The following ITGBL1 variants were observed in gnomAD, a reference collection of about 807,000 sequenced individuals.
ITGBL1 encodes the protein integrin subunit beta like 1.
ITGBL1 carries 51 observed loss-of-function variants against 68.5 expected under a neutral mutation model. That is an observed-to-expected ratio of 0.74 (90% confidence interval 0.59 to 0.94). The LOEUF (loss-of-function observed/expected upper bound fraction) is 0.94. ITGBL1 is among the 40% of genes least tolerant of loss of function. The pLI, the probability that ITGBL1 is intolerant of heterozygous loss-of-function variation, is 0.00. For missense variants in ITGBL1, 649 were observed against 647.4 expected (o/e 1.00, Z -0.03); for synonymous variants, 209 against 227.3 (o/e 0.92, Z 0.72).
intron 10 of ITGBL1, chr13:101,715,129 C>T (rs1270838131): frequency 1.2e-5 from 2 of 166,646 alleles, no homozygotes; most frequent in African/African-American, 4.8e-5. Context: ...TAAAAGATGA[C>T]TCTTTGTGTG....
At chr13:101,687,809 G>A (rs1245798663) in intron 7 of ITGBL1, among the ~76,000 whole-genome samples, 2 of 152,002 alleles carry the variant, frequency 1.3e-5, no homozygotes, top group Non-Finnish European at 2.9e-5. Flanking sequence ...TTCTCACACA[G>A]TTATTTCTAT....
chr13:101,541,806 T>C (rs773122625), intron 2 of ITGBL1, among the ~76,000 whole-genome samples: 1 of 152,198 alleles, frequency 6.6e-6, no homozygotes, highest in Non-Finnish European at 1.5e-5. Flanking sequence ...GTCGAGGAAT[T>C]TATCCATTTC....
intron 2 of ITGBL1, among the ~76,000 whole-genome samples, chr13:101,561,437 T>A (rs989026978): frequency 3.9e-5 from 6 of 152,136 alleles, no homozygotes; most frequent in African/African-American, 1.4e-4. Flanking sequence ...AGGGCACTTG[T>A]AAGTATCCAT....
chr13:101,705,262 G>A (rs1463369404), intron 8 of ITGBL1, among the ~76,000 whole-genome samples: 1 of 132,328 alleles, frequency 7.6e-6, no homozygotes, highest in African/African-American at 2.9e-5. Flanking sequence ...GTATAACCCA[G>A]GGAAAATCTC....
intron 4 of ITGBL1, among the ~76,000 whole-genome samples, chr13:101,577,225 TG>T (rs2050377778): frequency 6.6e-6 from 1 of 152,206 alleles, no homozygotes; most frequent in Non-Finnish European, 1.5e-5. Flanking sequence ...AATCTTTCCA[TG>T]TGTCATTCAC....
chr13:101,659,131 C>T (rs2033014988), intron 7 of ITGBL1, among the ~76,000 whole-genome samples: 1 of 146,862 alleles, frequency 6.8e-6, no homozygotes, highest in East Asian at 2.0e-4. Flanking sequence ...AGCTCCTCAG[C>T]TCACTGCAAC....
At chr13:101,650,683 T>C (rs1370519206) in intron 7 of ITGBL1, among the ~76,000 whole-genome samples, 1 of 151,920 alleles carries the variant, frequency 6.6e-6, no homozygotes, top group Non-Finnish European at 1.5e-5. Context: ...TGCAGGTTTG[T>C]TACATAGGTA....
rs762050952 is a variant in ITGBL1, at chr13:101,567,810, G to A, written c.428G>A (p.Cys143Tyr). 4 of 1,613,074 alleles carry A rather than the reference G, an allele frequency of 2.5e-6. No individual in the cohort carries two copies. The highest frequency in any genetic ancestry group is 3.4e-6 in the Non-Finnish European group (4 of 1,179,450). ...DLTKKKSNQMCKNSQDIICSN... is the reference protein window; with the variant it reads ...DLTKKKSNQMYKNSQDIICSN... ...ACAAAGAAGAAAAGTAACCAAATGT[G>A]CAAGAATTCACAAGACATCATCTGC... is the stretch of plus-strand genomic sequence containing the variant. Residue 143 changes from cysteine (C) to tyrosine (Y), a missense_variant, in exon 3 of 11, where the codon TGC becomes TAC. Physicochemically the swap from Cys to Tyr is radical, Grantham distance 194. Coordinates refer to ENST00000376180, the MANE Select transcript of ITGBL1 (RefSeq NM_004791.3).
At chr13:101,592,460 A>G (rs2050671348) in intron 6 of ITGBL1, among the ~76,000 whole-genome samples, 1 of 152,144 alleles carries the variant, frequency 6.6e-6, no homozygotes, top group African/African-American at 2.4e-5. Flanking sequence ...AAGGATGTGA[A>G]AGATTATTGC....
At chr13:101,550,374 C>A (rs2049901327) in intron 2 of ITGBL1, among the ~76,000 whole-genome samples, 1 of 152,134 alleles carries the variant, frequency 6.6e-6, no homozygotes, top group African/African-American at 2.4e-5. Context: ...AGCAGGGACC[C>A]CGTATCCTGA....
chr13:101,636,206 T>C (rs2139419561), intron 7 of ITGBL1, among the ~76,000 whole-genome samples: 1 of 152,220 alleles, frequency 6.6e-6, no homozygotes, highest in African/African-American at 2.4e-5. Context: ...TAGAAGAGTG[T>C]TTAACTCTAG....
At chr13:101,690,091 C>T (rs1285286211) in intron 7 of ITGBL1, among the ~76,000 whole-genome samples, 1 of 152,004 alleles carries the variant, frequency 6.6e-6, no homozygotes, top group Non-Finnish European at 1.5e-5. Flanking sequence ...TTTAAAACTC[C>T]AATAGATACA....
intron 2 of ITGBL1, among the ~76,000 whole-genome samples, chr13:101,481,992 A>G (rs1326254538): frequency 6.6e-6 from 1 of 152,108 alleles, no homozygotes; most frequent in Non-Finnish European, 1.5e-5. Flanking sequence ...TGGGAGGCAA[A>G]GGAATGAGGG....
At chr13:101,509,330 GGAATTGTGGGAATTACAATTCAA>G (rs1171903570) in intron 2 of ITGBL1, among the ~76,000 whole-genome samples, 7 of 152,042 alleles carry the variant, frequency 4.6e-5, no homozygotes, top group African/African-American at 1.7e-4. Context: ...ATGACACCTG[GGAATTGTGGGAATTACAATTCAA>G]GATGAGATTT....
chr13:101,682,242 G>T (rs1013565528), intron 7 of ITGBL1, among the ~76,000 whole-genome samples: 3 of 152,106 alleles, frequency 2.0e-5, no homozygotes, highest in Non-Finnish European at 4.4e-5. Context: ...TAATGCAAAT[G>T]AGGCAATCTG....
chr13:101,610,045 A>G (rs1296556968), intron 7 of ITGBL1, among the ~76,000 whole-genome samples: 1 of 152,180 alleles, frequency 6.6e-6, no homozygotes, highest in African/African-American at 2.4e-5. Flanking sequence ...AAAATAGAAA[A>G]TTGGACTTGA....
chr13:101,599,495 A>G (rs1334091555), intron 7 of ITGBL1, among the ~76,000 whole-genome samples: 1 of 149,878 alleles, frequency 6.7e-6, no homozygotes, highest in South Asian at 2.1e-4. Context: ...GGTGTTTTAG[A>G]CATGAAGTCC....
At chr13:101,604,887 T>TACATATATATATATGTATATATATATAC (rs1555361672) in intron 7 of ITGBL1, among the ~76,000 whole-genome samples, 2 of 22,164 alleles carry the variant, frequency 9.0e-5, no homozygotes, top group African/African-American at 3.0e-4. Flanking sequence ...TATATATATA[T>TACATATATATATATGTATATATATATAC]ACACACACAC....
At chr13:101,656,944 TTTTC>T (rs1158541805) in intron 7 of ITGBL1, among the ~76,000 whole-genome samples, 1 of 147,704 alleles carries the variant, frequency 6.8e-6, no homozygotes, top group African/African-American at 2.6e-5. Context: ...TTCTATTTTT[TTTTC>T]TTTTTTTCTT....
Sources: gnomAD v4.1 joint callset for allele counts (sites outside exome capture counted in the v4.1 genomes callset) on GRCh38, gnomAD v4.1.1 for gene constraint, MANE v1.5 for transcripts, NCBI Gene and HGNC (gene_info 2026-07-23, HGNC 2026-07-21) for gene names.